Variants in KRTCAP2 observed in about 807,000 individuals in gnomAD.
The protein encoded by KRTCAP2 is keratinocyte associated protein 2.
KRTCAP2 carries 10 observed loss-of-function variants against 16.5 expected under a neutral mutation model. The observed-to-expected ratio is 0.60, with a 90% CI of 0.37 to 1.02. The LOEUF (loss-of-function observed/expected upper bound fraction) is 1.02, where lower values mean the gene tolerates loss of function less well. KRTCAP2 is among the 50% of genes least tolerant of loss of function. The pLI is 0.01. For synonymous variants in KRTCAP2, 68 were observed against 69.8 expected (o/e 0.97, Z 0.13); for missense variants, 152 against 159.6 (o/e 0.95, Z 0.26).
rs747027608 is a variant in KRTCAP2 at position 155,173,204 on chromosome 1, C to T, written c.4+17G>A. ...ACCCCCTCTAGGACTTCCTGGGGAC[C>T]CCACCGGTCCTGTTACCCATCATGC... On this transcript the variant is annotated intron_variant, in intron 1 of 4. Coordinates refer to ENST00000295682, the MANE Select transcript of KRTCAP2 (RefSeq NM_173852.4). 8 of 1,610,810 alleles carry T rather than the reference C, an allele frequency of 5.0e-6. No homozygotes were observed. The highest frequency in any genetic ancestry group is 4.4e-5 in the South Asian group (4 of 90,910).
intron 3 of KRTCAP2, chr1:155,170,155 T>A: frequency 1.1e-5 from 2 of 181,636 alleles, no homozygotes; most frequent in Admixed American, 6.0e-5. Context: ...ACCCATCTCT[T>A]AAAAAAAAAA....
At position 155,172,861 on chromosome 1, in the gene KRTCAP2, G is replaced by C. The variant is rs758888558; in HGVS notation, c.36C>G (p.Ser12=). Residue 12 remains serine, a synonymous_variant, in exon 2 of 5, where the codon TCC becomes TCG. Coordinates refer to ENST00000295682, the MANE Select transcript of KRTCAP2 (RefSeq NM_173852.4). ...CAAAGAGCAGCAGGGACAGGAGGGA[G>C]GAGAGCGCCAGCGAGGTGCCCGTAC... ...VVGTGTSLAL[S]SLLSLLLFAG... The C allele has an allele frequency of 6.2e-6, 10 of 1,614,182 alleles. No individual in the cohort carries two copies. The highest frequency in any genetic ancestry group is 8.5e-6 in the Non-Finnish European group (10 of 1,180,028).
In KRTCAP2 at chr1:155,172,719, C is replaced by A. The variant is rs1358878125; in HGVS notation, c.159+19G>T. On this transcript the variant is annotated intron_variant, in intron 2 of 4. Transcript: ENST00000295682. ...CACATGCCTACGTGGCCCGCCCCCTCCAACTGCAGGGAGGATACAGTGAGC... is the reference window on the plus strand; with the variant it reads ...CACATGCCTACGTGGCCCGCCCCCTACAACTGCAGGGAGGATACAGTGAGC... The A allele has an allele frequency of 4.3e-6, 7 of 1,614,190 alleles. No homozygotes were observed. Among genetic ancestry groups the A allele is most frequent in the Non-Finnish European group, 5.9e-6 (7 of 1,180,028 alleles).
chr1:155,172,890 C>G lies in KRTCAP2; in HGVS notation c.7G>C (p.Val3Leu), dbSNP rs777482951. The change falls in exon 2 of 5, where the codon GTG (valine) becomes CTG (leucine). Residue 3 changes from valine (V) to leucine (L), a missense_variant and splice_region_variant. Val to Leu is a conservative substitution (Grantham distance 32). Coordinates refer to ENST00000295682, the MANE Select transcript of KRTCAP2 (RefSeq NM_173852.4). ...AGCGCCAGCGAGGTGCCCGTACCCA[C>G]CACTGGAGGGGATGGGAGAAGGGAC... is the stretch of plus-strand genomic sequence containing the variant. MV[V>L]GTGTSLALSS... The G allele has an allele frequency of 6.2e-7, 1 of 1,613,872 alleles. No homozygotes were observed. The highest frequency in any genetic ancestry group is 8.5e-7 in the Non-Finnish European group (1 of 1,179,944).
rs768907029 is a variant in KRTCAP2 at position 155,169,551 on chromosome 1, G to T, written c.300C>A (p.Phe100Leu). The T allele has an allele frequency of 2.5e-6, 4 of 1,613,960 alleles. No homozygotes were observed. In the African/African-American group the frequency reaches 5.3e-5, roughly 22 times the overall value. ...TGATGTAGTACAGACCAACCATGGA[G>T]AAGATGAAGCTATATGGTGAAGACA... Reference protein sequence around the residue: ...HRVCVTTCFIFSMVGLYYINK... With the variant: ...HRVCVTTCFILSMVGLYYINK... Residue 100 changes from phenylalanine to leucine, a missense_variant, in exon 5 of 5, where the codon TTC becomes TTA. Transcript: ENST00000295682.
chr1:155,173,042 G>T, intron 1 of KRTCAP2, 150 bp from the exon 2 acceptor site: 1 of 981,092 alleles, frequency 1.0e-6, no homozygotes, highest in Non-Finnish European at 1.5e-6. Flanking sequence ...CCCACACCGC[G>T]CGGCAACCCC....
At chr1:155,172,475 C>A (rs997509746) in intron 3 of KRTCAP2, 90 bp downstream of exon 3, 3 of 1,607,294 alleles carry the variant, frequency 1.9e-6, no homozygotes, top group Non-Finnish European at 1.7e-6. Flanking sequence ...CCTTAACAAC[C>A]TTTCACCTAA....
At chr1:155,172,670 G>C in intron 2 of KRTCAP2, 42 bp from the exon 3 acceptor site, 1 of 1,614,084 alleles carries the variant, frequency 6.2e-7, no homozygotes, top group Non-Finnish European at 8.5e-7. Flanking sequence ...AACGGGGACA[G>C]AGCTGTGTGG....
chr1:155,171,510 C>T, intron 3 of KRTCAP2: 1 of 984,462 alleles, frequency 1.0e-6, no homozygotes, highest in South Asian at 4.7e-5. Flanking sequence ...ATGGAAAGAA[C>T]TCTGAAGCCT....
chr1:155,169,499 C>T lies in KRTCAP2; in HGVS notation c.352G>A (p.Ala118Thr), dbSNP rs528947305. 4 of 1,614,112 alleles carry T rather than the reference C, an allele frequency of 2.5e-6. No individual in the cohort carries two copies. The highest frequency in any genetic ancestry group is 2.7e-5 in the African/African-American group (2 of 75,042). ...GCTGGTGTGAGGACTGGAGCTGCTG[C>T]CTGGTACAGGGTGGAGGAGATCTTG... is the stretch of plus-strand genomic sequence containing the variant. Reference protein sequence around the residue: ...INKISSTLYQAAAPVLTPAKV... With the variant: ...INKISSTLYQTAAPVLTPAKV... The change falls in exon 5 of 5, where the codon GCA becomes ACA. Residue 118 changes from alanine to threonine, a missense_variant. Coordinates refer to ENST00000295682, the MANE Select transcript of KRTCAP2 (RefSeq NM_173852.4).
chr1:155,172,973 A>G, intron 1 of KRTCAP2, 81 bp from the exon 2 acceptor site: 1 of 1,482,794 alleles, frequency 6.7e-7, no homozygotes, highest in African/African-American at 1.4e-5. Flanking sequence ...CCGGTCCGGA[A>G]GCTCGGTGGG....
rs758583765 is a variant in KRTCAP2 at position 155,169,795 on chromosome 1, T to C, written c.286A>G (p.Thr96Ala). 2.6e-5 allele frequency: 41 copies of C among 1,593,432 alleles called. No individual in the cohort carries two copies. The highest frequency in any genetic ancestry group is 1.2e-4 in the Admixed American group (7 of 57,040). ...ACCCAGCTGTCAAGAACATACCAGG[T>C]GGTGACACAGACTCGGTGGATGAGG... ...SGLIHRVCVT[T>A]CFIFSMVGLY... Residue 96 changes from threonine (T) to alanine (A), a missense_variant, in exon 4 of 5, where the codon ACC (threonine) becomes GCC (alanine). Transcript: ENST00000295682.
chr1:155,169,492 G>A lies in KRTCAP2; in HGVS notation c.359C>T (p.Ala120Val). Residue 120 changes from alanine to valine, a missense_variant, in exon 5 of 5, where the codon GCT becomes GTT. Physicochemically the swap from Ala to Val is moderately conservative, Grantham distance 64. Transcript: ENST00000295682. ...GACCTTGGCTGGTGTGAGGACTGGA[G>A]CTGCTGCCTGGTACAGGGTGGAGGA... is the stretch of plus-strand genomic sequence containing the variant. ...KISSTLYQAA[A>V]PVLTPAKVTG... 1 of 1,614,110 alleles carries A rather than the reference G, an allele frequency of 6.2e-7. No individual in the cohort carries two copies. Among genetic ancestry groups the A allele is most frequent in the Non-Finnish European group, 8.5e-7 (1 of 1,179,950 alleles).
rs1206277176 is a variant in KRTCAP2, at chr1:155,169,566, T to C, written c.291-6A>G. ...CAACCATGGAGAAGATGAAGCTATA[T>C]GGTGAAGACAGAAAGGTCATGGCAC... On this transcript the variant is annotated splice_polypyrimidine_tract_variant and splice_region_variant and intron_variant, in intron 4 of 4. Coordinates refer to ENST00000295682, the MANE Select transcript of KRTCAP2 (RefSeq NM_173852.4). 1.9e-6 allele frequency: 3 copies of C among 1,613,670 alleles called. No homozygotes were observed. Among genetic ancestry groups the C allele is most frequent in the Non-Finnish European group, 2.5e-6 (3 of 1,179,758 alleles).
chr1:155,172,873 C>G lies in KRTCAP2; in HGVS notation c.24G>C (p.Ser8=), dbSNP rs1173840748. 6.2e-7 allele frequency: 1 copy of G among 1,614,022 alleles called. No homozygotes were observed. Among genetic ancestry groups the G allele is most frequent in the African/African-American group, 1.3e-5 (1 of 75,044 alleles). ...GGGACAGGAGGGAGGAGAGCGCCAG[C>G]GAGGTGCCCGTACCCACCACTGGAG... MVVGTGT[S]LALSSLLSLL... The change falls in exon 2 of 5, where the codon TCG becomes TCC. Residue 8 remains serine, a synonymous_variant. Transcript: ENST00000295682.
Position 155,172,844 on chromosome 1 carries a change from A to G in KRTCAP2, c.53T>C (p.Leu18Pro). Reference protein sequence around the residue: ...SLALSSLLSLLLFAGMQMYSR... With the variant: ...SLALSSLLSLPLFAGMQMYSR... The stretch of plus-strand genomic sequence containing the variant: ...GTACATCTGCATCCCAGCAAAGAGC[A>G]GCAGGGACAGGAGGGAGGAGAGCGC... Residue 18 changes from leucine to proline, a missense_variant, in exon 2 of 5, where the codon CTG becomes CCG. Leu to Pro is a moderately conservative substitution (Grantham distance 98). Transcript: ENST00000295682. 1.2e-6 allele frequency: 2 copies of G among 1,614,232 alleles called. No individual in the cohort carries two copies. Among genetic ancestry groups the G allele is most frequent in the South Asian group, 2.2e-5 (2 of 91,086 alleles).
At position 155,173,252 on chromosome 1, in the gene KRTCAP2, G is replaced by C; in HGVS notation, c.-28C>G. On this transcript the variant is annotated 5_prime_UTR_variant, in exon 1 of 5. Transcript: ENST00000295682. ...TGCCCCGCCCGTGAGTCCAACCGGC[G>C]CCTCTGGCCAAGAAAGGCGAGCTGA... The C allele has an allele frequency of 6.2e-7, 1 of 1,614,100 alleles. No individual in the cohort carries two copies. Among genetic ancestry groups the C allele is most frequent in the South Asian group, 1.1e-5 (1 of 91,064 alleles).
chr1:155,173,038 C>T (rs1318217716), intron 1 of KRTCAP2, 146 bp from the exon 2 acceptor site: 1 of 1,000,210 alleles, frequency 1.0e-6, no homozygotes, highest in African/African-American at 1.6e-5. Flanking sequence ...ACTCCCCACA[C>T]CGCGCGGCAA....
chr1:155,173,152 G>T (rs984345501), intron 1 of KRTCAP2, 69 bp downstream of exon 1: 3 of 1,341,558 alleles, frequency 2.2e-6, no homozygotes, highest in South Asian at 1.2e-5. Context: ...GGGAGAGGAC[G>T]AGGAAAGCTT....
Sources: gnomAD v4.1 joint callset for allele counts on GRCh38, gnomAD v4.1.1 for gene constraint, MANE v1.5 for transcripts, NCBI Gene and HGNC (gene_info 2026-07-23, HGNC 2026-07-21) for gene names.